RNF213: variants seen among roughly 807,000 people sequenced by gnomAD.
The protein encoded by RNF213 is ring finger protein 213, also known as E3 ubiquitin-protein ligase RNF213.
Under a neutral mutation model 514.4 loss-of-function variants are expected in RNF213, and 341 were observed. The observed-to-expected ratio is 0.66, with a 90% confidence interval of 0.61 to 0.73. The LOEUF (loss-of-function observed/expected upper bound fraction) is 0.73. RNF213 is among the 30% of genes least tolerant of loss of function. RNF213 has a pLI of 0.00. For missense variants in RNF213, 5,767 were observed against 6,615.6 expected, an observed-to-expected ratio of 0.87 and a Z score of 4.45; for synonymous variants, 2,655 against 2,658.2, an observed-to-expected ratio of 1.00 and a Z score of 0.04.
intron 14 of RNF213, among the ~76,000 whole-genome samples, chr17:80,310,930 T>G (rs143274853): frequency 6.6e-6 from 1 of 152,156 alleles, no homozygotes; most frequent in South Asian, 2.1e-4. Flanking sequence ...GTTTTAACTT[T>G]CTTCCTTTCA....
At chr17:80,290,499 G>GCGTGTGTGCATGCA in intron 6 of RNF213, 71 bp from the exon 7 acceptor site, 1 of 1,575,868 alleles carries the variant, frequency 6.3e-7, no homozygotes, top group Non-Finnish European at 8.7e-7. Flanking sequence ...GTGTGTGTGC[G>GCGTGTGTGCATGCA]CGTGTGTGCA....
chr17:80,269,318 A>T (rs2043719826), intron 2 of RNF213, among the ~76,000 whole-genome samples: 1 of 152,136 alleles, frequency 6.6e-6, no homozygotes, highest in South Asian at 2.1e-4. Context: ...TTGACACCTG[A>T]TATTAACCAT....
chr17:80,343,347 C>T lies in RNF213; in HGVS notation c.6183+22C>T, dbSNP rs1161998273. 1.3e-6 allele frequency: 2 copies of T among 1,599,532 alleles called. No homozygotes were observed. Among genetic ancestry groups the T allele is most frequent in the South Asian group, 1.1e-5 (1 of 89,886 alleles). ...CTCAGTAAGTGCCCTCCAGCGTCAGCCGATGGCCACATCAGTAAAGACGTG... is the reference window on the plus strand; with the variant it reads ...CTCAGTAAGTGCCCTCCAGCGTCAGTCGATGGCCACATCAGTAAAGACGTG... On this transcript the variant is annotated intron_variant, in intron 27 of 67. Transcript: ENST00000582970. The surrounding 1 kb of genome is among the most constrained non-coding windows in gnomAD (Gnocchi z 4.3).
At chr17:80,355,871 G>T (rs1188945737) in intron 36 of RNF213, among the ~76,000 whole-genome samples, 1 of 152,134 alleles carries the variant, frequency 6.6e-6, no homozygotes, top group African/African-American at 2.4e-5. Context: ...CACCTTCCTC[G>T]TGACCAGAGA....
At chr17:80,340,624 T>G (rs2078128532) in intron 26 of RNF213, 4 of 416,382 alleles carry the variant, frequency 9.6e-6, no homozygotes, top group South Asian at 5.4e-5. Flanking sequence ...TTTTTTTTTT[T>G]TTTTTTTTTT....
chr17:80,373,197 TGCACCCCCACA>T, intron 49 of RNF213, 32 bp downstream of exon 49: 1 of 1,592,162 alleles, frequency 6.3e-7, no homozygotes, highest in Non-Finnish European at 8.5e-7. Flanking sequence ...CACACAAACA[TGCACCCCCACA>T]GCCCCATACA....
rs1430764498 is a variant in RNF213, at chr17:80,339,458, G to A, written c.5091G>A (p.Glu1697=). The change falls in exon 26 of 68, where the codon GAG becomes GAA. Residue 1697 remains glutamate, a synonymous_variant. Coordinates refer to ENST00000582970, the MANE Select transcript of RNF213 (RefSeq NM_001256071.3). ...WKRFVTQKRM[E]HFYLNFYTAE... ...GATTTGTGACCCAGAAGCGAATGGA[G>A]CACTTTTACCTGAACTTCTACACGG... The A allele has an allele frequency of 2.0e-6, 3 of 1,537,230 alleles. No individual in the cohort carries two copies. Among genetic ancestry groups the A allele is most frequent in the Admixed American group, 2.0e-5 (1 of 51,000 alleles).
Position 80,336,180 on chromosome 17 carries a change from G to C in RNF213, c.4329G>C (p.Val1443=). ...CCCCAGGCATCAATGAGCTGAAGGT[G>C]TTTGTGGACCTGGCCTCCATCTCAG... ...EALGGINELK[V]FVDLASISAG... The change falls in exon 23 of 68, where the codon GTG becomes GTC. Residue 1443 remains valine, a synonymous_variant. Transcript: ENST00000582970. 1 of 1,537,254 alleles carries C rather than the reference G, an allele frequency of 6.5e-7. No homozygotes were observed. The highest frequency in any genetic ancestry group is 1.2e-5 in the South Asian group (1 of 84,068).
At chr17:80,286,317 C>T (rs2044470802) in intron 3 of RNF213, among the ~76,000 whole-genome samples, 1 of 152,128 alleles carries the variant, frequency 6.6e-6, no homozygotes, top group Non-Finnish European at 1.5e-5. Context: ...GCTTTGTGTA[C>T]ACTGAGCATG....
chr17:80,303,436 G>A (rs2045247507), intron 11 of RNF213, among the ~76,000 whole-genome samples: 1 of 152,086 alleles, frequency 6.6e-6, no homozygotes, highest in Non-Finnish European at 1.5e-5. Flanking sequence ...GGGGACAGCA[G>A]AAAAAATGAG....
chr17:80,360,057 G>A lies in RNF213; in HGVS notation c.11055-4G>A. The A allele has an allele frequency of 6.2e-7, 1 of 1,614,002 alleles. No homozygotes were observed. Among genetic ancestry groups the A allele is most frequent in the Non-Finnish European group, 8.5e-7 (1 of 1,179,968 alleles). ...TCTTCTTATCATCCCTCACCTTATT[G>A]CAGACATAAAGGTGAGATGGCCTAC... On this transcript the variant is annotated splice_region_variant and splice_polypyrimidine_tract_variant and intron_variant, in intron 37 of 67. Transcript: ENST00000582970.
At chr17:80,314,091 GTGGAGGTAC>G (rs2045722416) in intron 15 of RNF213, among the ~76,000 whole-genome samples, 1 of 112,776 alleles carries the variant, frequency 8.9e-6, no homozygotes. Context: ...GGAGGTGATG[GTGGAGGTAC>G]TGGAGGTGAT....
At chr17:80,380,636 C>T (rs542845551) in intron 55 of RNF213, among the ~76,000 whole-genome samples, 195 bp from the exon 56 acceptor site, 43 of 152,164 alleles carry the variant, frequency 2.8e-4, no homozygotes, top group Non-Finnish European at 5.0e-4. Flanking sequence ...AGAATGCGGT[C>T]GGGTCTGGTC....
chr17:80,268,925 CA>C (rs2043703846), intron 2 of RNF213, among the ~76,000 whole-genome samples: 1 of 152,150 alleles, frequency 6.6e-6, no homozygotes, highest in Admixed American at 6.6e-5. Context: ...CCAAAAGCCT[CA>C]AAAGCAGGGA....
chr17:80,385,473 A>T, intron 60 of RNF213, 65 bp from the exon 61 acceptor site: 2 of 1,349,870 alleles, frequency 1.5e-6, no homozygotes, highest in South Asian at 2.4e-5. Context: ...GCATGTAACT[A>T]GGGTGGTTTG....
chr17:80,321,711 G>A (rs942356853), intron 17 of RNF213, among the ~76,000 whole-genome samples: 1 of 152,096 alleles, frequency 6.6e-6, no homozygotes, highest in African/African-American at 2.4e-5. Flanking sequence ...GGTATGAAGT[G>A]GTATCTCCTT....
chr17:80,307,038 A>G, intron 12 of RNF213, 90 bp from the exon 13 acceptor site: 1 of 1,239,426 alleles, frequency 8.1e-7, no homozygotes, highest in Non-Finnish European at 1.2e-6. Context: ...TACCATATTG[A>G]TGTTGGATTT....
At chr17:80,331,357 G>GCCATT (rs1428605319) in intron 20 of RNF213, among the ~76,000 whole-genome samples, 1 of 149,634 alleles carries the variant, frequency 6.7e-6, no homozygotes, top group Admixed American at 6.7e-5. Flanking sequence ...TATCCTGTTC[G>GCCATT]CCATTCCTCC....
Position 80,344,691 on chromosome 17 carries a change from C to T in RNF213, c.6356C>T (p.Pro2119Leu), listed in dbSNP as rs561064089. Residue 2119 changes from proline to leucine, a missense_variant, in exon 29 of 68, where the codon CCC becomes CTC. Around this residue, in one of 13 missense-constraint regions of RNF213, gnomAD observed 1,377 missense variants for 1,635.2 expected, o/e 0.84. Coordinates refer to ENST00000582970, the MANE Select transcript of RNF213 (RefSeq NM_001256071.3). The stretch of plus-strand genomic sequence containing the variant: ...TCTCCTTTCCAGCGTACACGTGTAC[C>T]CCAGTTCAGTTTTCTTGACATCTTC... ...RSSSALRTRV[P>L]QFSFLDIFPK... 224 of 1,614,066 alleles carry T rather than the reference C, an allele frequency of 1.4e-4. 3 individuals carry two copies. In the South Asian group the frequency reaches 2.2e-3, roughly 16 times the overall value.
Sources: allele counts gnomAD v4.1 joint callset (sites outside exome capture counted in the v4.1 genomes callset), GRCh38; gene constraint gnomAD v4.1.1; regional missense constraint gnomAD v4.1.1; non-coding constraint Gnocchi (gnomAD v3.1); transcripts MANE v1.5; gene names NCBI Gene and HGNC (gene_info 2026-07-23, HGNC 2026-07-21).